GLIS3: variants seen among roughly 807,000 people sequenced by gnomAD.
The protein encoded by GLIS3 is GLIS family zinc finger 3.
GLIS3 carries 53 observed loss-of-function variants against 78.6 expected under a neutral mutation model. The ratio of observed to expected loss-of-function variants is 0.67; its 90% CI spans 0.54 to 0.85. GLIS3 has a LOEUF of 0.85. Among genes scored for constraint, GLIS3 ranks in the 40% least tolerant of loss-of-function variants. GLIS3 has a pLI of 0.00. For synonymous variants in GLIS3, 684 were observed against 509.9 expected (o/e 1.34, Z -4.60); for missense variants, 1,703 against 1,231.1 (o/e 1.38, Z -5.74).
chr9:4,143,233 G>T (rs772877289), intron 2 of GLIS3, among the ~76,000 whole-genome samples: 3 of 151,656 alleles, frequency 2.0e-5, no homozygotes, highest in Non-Finnish European at 2.9e-5. Flanking sequence ...ATGTGCGCAC[G>T]TGTGTATTTG....
In GLIS3 at chr9:4,257,585, A is replaced by T. The variant is rs6476831; in HGVS notation, c.388+28453T>A. The stretch of plus-strand genomic sequence containing the variant: ...TGTATATGTTGTTGTTGTTGTTGTT[A>T]TTTTTTGAGACGGAGTCTCGCTCTG... On this transcript the variant is annotated intron_variant, in intron 2 of 10. Transcript: ENST00000381971. Among the ~76,000 whole-genome samples, 3 of 151,628 alleles carry T rather than the reference A, an allele frequency of 2.0e-5. No homozygotes were observed. The East Asian group carries it at 5.8e-4, about 29-fold the overall frequency.
chr9:4,023,836 A>G (rs1219777798), intron 4 of GLIS3, among the ~76,000 whole-genome samples: 1 of 152,194 alleles, frequency 6.6e-6, no homozygotes, highest in Non-Finnish European at 1.5e-5. Flanking sequence ...CTGACCCTCA[A>G]TTAGGTAAGT....
intron 4 of GLIS3, among the ~76,000 whole-genome samples, chr9:3,991,968 G>A (rs1820341889): frequency 6.6e-6 from 1 of 152,110 alleles, no homozygotes; most frequent in Non-Finnish European, 1.5e-5. Context: ...GGGATTACAG[G>A]CATGAGCCAC....
intron 8 of GLIS3, among the ~76,000 whole-genome samples, chr9:3,858,554 C>T (rs996684998): frequency 5.9e-5 from 9 of 152,006 alleles, no homozygotes; most frequent in Non-Finnish European, 8.8e-5. Context: ...CTGAATTTTC[C>T]TCTATGTTAG....
chr9:4,091,585 A>T (rs1164809378), intron 4 of GLIS3, among the ~76,000 whole-genome samples: 1 of 152,158 alleles, frequency 6.6e-6, no homozygotes, highest in African/African-American at 2.4e-5. Context: ...GTGTCGCTTA[A>T]TGACAAGAAT....
intron 9 of GLIS3, among the ~76,000 whole-genome samples, chr9:3,839,773 C>T (rs1408139158): frequency 1.3e-5 from 2 of 152,056 alleles, no homozygotes; most frequent in Admixed American, 6.6e-5. Flanking sequence ...TTTCTCACTG[C>T]CAGGTTGCAG....
chr9:4,107,221 G>C (rs943318893), intron 4 of GLIS3, among the ~76,000 whole-genome samples: 10 of 152,102 alleles, frequency 6.6e-5, no homozygotes, highest in South Asian at 4.1e-4. Context: ...AGAAGAAGCA[G>C]GGGGCACTTC....
At chr9:4,232,681 A>G (rs540996114) in intron 2 of GLIS3, among the ~76,000 whole-genome samples, 1 of 152,250 alleles carries the variant, frequency 6.6e-6, no homozygotes, top group Non-Finnish European at 1.5e-5. Flanking sequence ...TACCATTATC[A>G]ATAAAGGCTT....
the GLIS3 span, among the ~76,000 whole-genome samples, chr9:4,410,932 C>T: frequency 6.6e-6 from 1 of 152,156 alleles, no homozygotes; most frequent in Non-Finnish European, 1.5e-5. Flanking sequence ...AAATATAATT[C>T]TCACAAACTC....
chr9:3,869,825 G>A (rs556697163), intron 8 of GLIS3, among the ~76,000 whole-genome samples: 1 of 152,272 alleles, frequency 6.6e-6, no homozygotes, highest in Non-Finnish European at 1.5e-5. Context: ...CAGTTAGCAT[G>A]GAGACATCTG....
chr9:4,406,837 T>C, the GLIS3 span, among the ~76,000 whole-genome samples: 4 of 152,172 alleles, frequency 2.6e-5, no homozygotes, highest in African/African-American at 9.7e-5. Context: ...TGTTCATGGA[T>C]TGGAAGAATA....
At position 4,180,882 on chromosome 9, in the gene GLIS3, A is replaced by C. The variant is rs1157551754; in HGVS notation, c.389-54941T>G. Among the ~76,000 whole-genome samples, 4 of 152,128 alleles carry C rather than the reference A, an allele frequency of 2.6e-5. No individual in the cohort carries two copies. In the East Asian group the frequency reaches 7.7e-4, roughly 29 times the overall value. On this transcript the variant is annotated intron_variant, in intron 2 of 10. Transcript: ENST00000381971. The stretch of plus-strand genomic sequence containing the variant: ...CCACCCAAGCACAGGTGCTGGTCCC[A>C]AGTATAGGTCCCACCCAAGTACAGG...
At chr9:4,445,898 G>C in the GLIS3 span, among the ~76,000 whole-genome samples, 1 of 152,152 alleles carries the variant, frequency 6.6e-6, no homozygotes, top group East Asian at 1.9e-4. Context: ...CCATCCAAGA[G>C]GACAGATAGA....
At chr9:4,264,574 G>C (rs1563858529) in intron 2 of GLIS3, among the ~76,000 whole-genome samples, 1 of 152,002 alleles carries the variant, frequency 6.6e-6, no homozygotes, top group East Asian at 1.9e-4. Context: ...ATCAAATCAG[G>C]ACATAATGCA....
intron 4 of GLIS3, among the ~76,000 whole-genome samples, chr9:4,094,955 C>T (rs990257810): frequency 3.9e-5 from 6 of 152,110 alleles, no homozygotes; most frequent in Middle Eastern, 3.2e-3. Flanking sequence ...TGTTTCAATA[C>T]ATGTAATACA....
intron 2 of GLIS3, chr9:4,152,278 T>C (rs1274229817): frequency 5.4e-6 from 1 of 184,238 alleles, no homozygotes; most frequent in African/African-American, 2.4e-5. Context: ...CCTGGAAGAA[T>C]ACACGACGGG....
At chr9:3,992,992 T>C (rs1297990133) in intron 4 of GLIS3, among the ~76,000 whole-genome samples, 2 of 152,336 alleles carry the variant, frequency 1.3e-5, no homozygotes, top group Admixed American at 6.5e-5. Context: ...GCTAAGGCTC[T>C]CAGTAAGGCC....
At chr9:4,343,154 C>T (rs1352042417) in intron 2 of GLIS3, among the ~76,000 whole-genome samples, 3 of 147,060 alleles carry the variant, frequency 2.0e-5, no homozygotes, top group Admixed American at 6.9e-5. Flanking sequence ...GCCTGGGCAA[C>T]ATAGCAAGAC....
chr9:4,069,845 G>GA (rs1415586746), intron 4 of GLIS3, among the ~76,000 whole-genome samples: 1 of 151,978 alleles, frequency 6.6e-6, no homozygotes, highest in East Asian at 2.0e-4. Flanking sequence ...CTAACTCCAA[G>GA]GACACTATGC....
Sources: gnomAD v4.1 joint callset for allele counts (sites outside exome capture counted in the v4.1 genomes callset) on GRCh38, gnomAD v4.1.1 for gene constraint, MANE v1.5 for transcripts, NCBI Gene and HGNC (gene_info 2026-07-23, HGNC 2026-07-21) for gene names.